Variants in CARM1 observed in about 807,000 individuals in gnomAD.
CARM1 encodes coactivator associated arginine methyltransferase 1.
CARM1 carries 14 observed loss-of-function variants against 72.7 expected under a neutral mutation model. The observed-to-expected ratio is 0.19, with a 90% CI of 0.13 to 0.30. CARM1 has a LOEUF of 0.30. Ranked by LOEUF, CARM1 falls within the 10% of genes least tolerant of loss-of-function variation. The pLI, the probability that CARM1 is intolerant of heterozygous loss-of-function variation, is 1.00. For missense variants in CARM1, 432 were observed against 833.7 expected (o/e 0.52, Z 5.93); for synonymous variants, 333 against 345.5 (o/e 0.96, Z 0.40).
intron 4 of CARM1, among the ~76,000 whole-genome samples, chr19:10,909,433 TA>T (rs978523097): frequency 9.3e-5 from 13 of 139,078 alleles, no homozygotes; most frequent in African/African-American, 3.6e-4. Flanking sequence ...TCTTGTCTCT[TA>T]AAAAAAAACA....
rs762976693 is a variant in CARM1 at position 10,909,218 on chromosome 19, C to T, written c.558+11C>T. The T allele has an allele frequency of 6.5e-6, 10 of 1,549,186 alleles. No individual in the cohort carries two copies. The highest frequency in any genetic ancestry group is 4.1e-5 in the African/African-American group (3 of 73,528). On this transcript the variant is annotated intron_variant, in intron 4 of 15. Transcript: ENST00000327064. ...GACTTCAAGGACAAGGTGAGTGGCC[C>T]GCGCATGTGCCCACCTCTCTGCTTC...
At chr19:10,897,587 G>T (rs571414667) in intron 1 of CARM1, among the ~76,000 whole-genome samples, 5 of 152,244 alleles carry the variant, frequency 3.3e-5, no homozygotes, top group Admixed American at 6.5e-5. Context: ...CTGGGTCCAG[G>T]GGTGGCCAAA....
chr19:10,904,932 A>G lies in CARM1; in HGVS notation c.221-19A>G, dbSNP rs1413084108. The stretch of plus-strand genomic sequence containing the variant: ...CTGACAGGGCTGCACCGCTCACGCC[A>G]GCCTGTCTTCTCTCGTAGATGAAGA... On this transcript the variant is annotated intron_variant, in intron 1 of 15. Coordinates refer to ENST00000327064, the MANE Select transcript of CARM1 (RefSeq NM_199141.2). 1 of 1,613,594 alleles carries G rather than the reference A, an allele frequency of 6.2e-7. No individual in the cohort carries two copies. The highest frequency in any genetic ancestry group is 8.5e-7 in the Non-Finnish European group (1 of 1,179,548).
At chr19:10,877,923 C>T (rs1000004367) in intron 1 of CARM1, among the ~76,000 whole-genome samples, 1 of 152,148 alleles carries the variant, frequency 6.6e-6, no homozygotes, top group Non-Finnish European at 1.5e-5. Context: ...CTCACTGCAG[C>T]CTCTAACTCC....
At chr19:10,882,930 G>C (rs1296770265) in intron 1 of CARM1, among the ~76,000 whole-genome samples, 3 of 152,126 alleles carry the variant, frequency 2.0e-5, no homozygotes, top group Admixed American at 6.5e-5. Context: ...GAAGAGAATG[G>C]CAGCTAAGGA....
At chr19:10,903,650 TC>T (rs562338535) in intron 1 of CARM1, among the ~76,000 whole-genome samples, 141 of 151,322 alleles carry the variant, frequency 9.3e-4, no homozygotes, top group African/African-American at 3.3e-3. Context: ...AGCCTCAACC[TC>T]CTGGGCTCAA....
intron 8 of CARM1, chr19:10,919,221 A>G: frequency 5.2e-6 from 1 of 190,712 alleles, no homozygotes; most frequent in Non-Finnish European, 1.1e-5. Context: ...GAGCCTCTTC[A>G]TTCTTTCTCA....
At position 10,896,858 on chromosome 19, in the gene CARM1, G is replaced by C. The variant is rs1241622588; in HGVS notation, c.221-8093G>C. ...GGGGAGTGTGTCTCCATTGCCGAGT[G>C]CCTAGTGAGCAGATAGGGAAGTGGG... On this transcript the variant is annotated intron_variant, in intron 1 of 15. Transcript: ENST00000327064. The surrounding 1 kb of genome is among the most constrained non-coding windows in gnomAD (Gnocchi z 5.2). Among the ~76,000 whole-genome samples, 1 of 152,182 alleles carries C rather than the reference G, an allele frequency of 6.6e-6. No individual in the cohort carries two copies. Among genetic ancestry groups the C allele is most frequent in the Non-Finnish European group, 1.5e-5 (1 of 68,018 alleles).
intron 1 of CARM1, among the ~76,000 whole-genome samples, chr19:10,903,391 A>G (rs147078689): frequency 4.3e-4 from 66 of 152,296 alleles, no homozygotes; most frequent in Middle Eastern, 6.8e-3. Context: ...TGTTGTTGTT[A>G]TGATGGGCTA....
intron 1 of CARM1, among the ~76,000 whole-genome samples, chr19:10,882,094 A>C (rs1457450802): frequency 6.6e-6 from 1 of 152,172 alleles, no homozygotes; most frequent in Non-Finnish European, 1.5e-5. Flanking sequence ...CCCGGTGACC[A>C]CTTTGTGCCT....
intron 1 of CARM1, among the ~76,000 whole-genome samples, chr19:10,885,786 G>A (rs1455086780): frequency 6.6e-6 from 1 of 152,016 alleles, no homozygotes; most frequent in Non-Finnish European, 1.5e-5. Flanking sequence ...CCTAGATGCA[G>A]GATGATGGGA....
At position 10,871,756 on chromosome 19, in the gene CARM1, G is replaced by C; in HGVS notation, c.54G>C (p.Ala18=). 3 of 1,098,404 alleles carry C rather than the reference G, an allele frequency of 2.7e-6. No individual in the cohort carries two copies. Among genetic ancestry groups the C allele is most frequent in the Non-Finnish European group, 2.2e-6 (2 of 902,904 alleles). The allele number at this position is 1,098,404 out of a possible 1,614,324, so 68.0% of individuals were successfully genotyped here. A position where few individuals can be genotyped will look rare whatever the true frequency, so the allele number is the denominator to read the frequency against. ...CGGGCGCGGGCGGCGCGGGGTCGGC[G>C]GTCCCGGGCGGCGCGGGGCCCTGCG... ...VGPGAGGAGS[A]VPGGAGPCAT... Residue 18 remains alanine (A), a synonymous_variant, in exon 1 of 16, where the codon GCG becomes GCC. Coordinates refer to ENST00000327064, the MANE Select transcript of CARM1 (RefSeq NM_199141.2). This position sits in a 1 kb window ranked among gnomAD's most constrained non-coding sequence, Gnocchi z 5.6.
chr19:10,902,573 T>G (rs1165461906), intron 1 of CARM1, among the ~76,000 whole-genome samples: 2 of 151,732 alleles, frequency 1.3e-5, no homozygotes, highest in Non-Finnish European at 1.5e-5. Flanking sequence ...CCTCCCAAAG[T>G]GCTGGGATTA....
chr19:10,873,886 G>A lies in CARM1; in HGVS notation c.220+1964G>A, dbSNP rs572344146. 2.6e-3 allele frequency among the ~76,000 whole-genome samples: 397 copies of A among 151,856 alleles called. 4 individuals carry two copies. Among genetic ancestry groups the A allele is most frequent in the African/African-American group, 8.4e-3 (349 of 41,440 alleles). On this transcript the variant is annotated intron_variant, in intron 1 of 15. Coordinates refer to ENST00000327064, the MANE Select transcript of CARM1 (RefSeq NM_199141.2). ...GATCTCCTGACCTCGTGATCCACCC[G>A]CCTTGGCCTCCCAAAGTGCTGGGAT...
rs1447263770 is a variant in CARM1, at chr19:10,916,408, A to T, written c.849A>T (p.Gly283=). The stretch of plus-strand genomic sequence containing the variant: ...CACCCCTCCCTGCCCCACTCCCAGG[A>T]AACATGTTTCCTACCATTGGTGACG... The part of the protein sequence containing the change: ...LHAKKYLKPS[G]NMFPTIGDVH... Residue 283 remains glycine (G), a splice_region_variant and synonymous_variant, in exon 7 of 16, where the codon GGA becomes GGT. Transcript: ENST00000327064. This position sits in a 1 kb window ranked among gnomAD's most constrained non-coding sequence, Gnocchi z 4.4. 9 of 1,611,240 alleles carry T rather than the reference A, an allele frequency of 5.6e-6. No individual in the cohort carries two copies. Among genetic ancestry groups the T allele is most frequent in the Non-Finnish European group, 6.8e-6 (8 of 1,177,800 alleles).
At chr19:10,887,359 CA>C (rs2146312146) in intron 1 of CARM1, among the ~76,000 whole-genome samples, 1 of 152,346 alleles carries the variant, frequency 6.6e-6, no homozygotes, top group Admixed American at 6.5e-5. Flanking sequence ...TTCTTTGTGG[CA>C]TCAGTAGTGT....
At position 10,921,424 on chromosome 19, in the gene CARM1, G is replaced by A. The variant is rs887868662; in HGVS notation, c.1665G>A (p.Met555Ile). Residue 555 changes from methionine (M) to isoleucine (I), a missense_variant, in exon 15 of 16, where the codon ATG becomes ATA. Met to Ile is a conservative substitution (Grantham distance 10). Transcript: ENST00000327064. ...NHTHSRMGSIMSTGIVQGSSG... is the reference protein window; with the variant it reads ...NHTHSRMGSIISTGIVQGSSG... ...CCCACTCCCGGATGGGCTCCATAAT[G>A]AGCACGGGGATTGTCCAAGGTAACG... The A allele has an allele frequency of 2.5e-6, 4 of 1,610,008 alleles. No individual in the cohort carries two copies. The highest frequency in any genetic ancestry group is 3.4e-6 in the Non-Finnish European group (4 of 1,178,612).
Position 10,920,867 on chromosome 19 carries a change from C to A in CARM1, c.1458C>A (p.Gly486=), listed in dbSNP as rs774807619. The A allele has an allele frequency of 1.9e-6, 3 of 1,614,112 alleles. No individual in the cohort carries two copies. The highest frequency in any genetic ancestry group is 2.7e-5 in the African/African-American group (2 of 74,950). ...GCACAACGCCCTCACCCCCACCCGGCTCCCACTACACATCTCCCTCGGAAA... is the reference window on the plus strand; with the variant it reads ...GCACAACGCCCTCACCCCCACCCGGATCCCACTACACATCTCCCTCGGAAA... The part of the protein sequence containing the change: ...YTGTTPSPPP[G]SHYTSPSENM... The change falls in exon 13 of 16, where the codon GGC becomes GGA. Residue 486 remains glycine (G), a synonymous_variant. Transcript: ENST00000327064. This position sits in a 1 kb window ranked among gnomAD's most constrained non-coding sequence, Gnocchi z 5.3.
At chr19:10,908,211 G>A (rs2074119632) in intron 3 of CARM1, 66 bp downstream of exon 3, 1 of 1,044,524 alleles carries the variant, frequency 9.6e-7, no homozygotes, top group East Asian at 2.4e-5. Flanking sequence ...TCACCCGCAG[G>A]AGGCCACACA....
Sources: gnomAD v4.1 joint callset for allele counts (sites outside exome capture counted in the v4.1 genomes callset) on GRCh38, gnomAD v4.1.1 for gene constraint, Gnocchi (gnomAD v3.1) non-coding constraint, MANE v1.5 for transcripts, NCBI Gene and HGNC (gene_info 2026-07-23, HGNC 2026-07-21) for gene names.